The following GABRG2 variants were observed in gnomAD, a reference collection of about 807,000 sequenced individuals.
GABRG2 encodes the protein gamma-aminobutyric acid receptor subunit gamma-2.
Under a neutral mutation model 56.4 loss-of-function variants are expected in GABRG2, and 16 were observed. That is an observed-to-expected ratio of 0.28 (90% confidence interval 0.19 to 0.43). GABRG2 has a LOEUF of 0.43. Ranked by LOEUF, GABRG2 falls within the 20% of genes least tolerant of loss-of-function variation. The pLI is 1.00. For synonymous variants in GABRG2, 208 were observed against 205.5 expected, an observed-to-expected ratio of 1.01 and a Z score of -0.10; for missense variants, 327 against 582.7, an observed-to-expected ratio of 0.56 and a Z score of 4.52.
chr5:162,075,980 C>G (rs1364289988), intron 1 of GABRG2, among the ~76,000 whole-genome samples: 1 of 148,808 alleles, frequency 6.7e-6, no homozygotes, highest in East Asian at 2.0e-4. Context: ...TGGTGTGACC[C>G]TATTTCAAGA....
At chr5:162,071,889 C>G (rs181192884) in intron 1 of GABRG2, among the ~76,000 whole-genome samples, 33 of 151,048 alleles carry the variant, frequency 2.2e-4, no homozygotes, top group African/African-American at 7.8e-4. Flanking sequence ...CTTTCAAATT[C>G]AAAAGGTTAC....
intron 6 of GABRG2, among the ~76,000 whole-genome samples, chr5:162,131,033 A>C (rs1763702181): frequency 6.6e-6 from 1 of 152,022 alleles, no homozygotes; most frequent in Non-Finnish European, 1.5e-5. Context: ...TCTTAATTTC[A>C]CCAAATAGAT....
At chr5:162,088,444 TG>T (rs1234731144) in intron 1 of GABRG2, among the ~76,000 whole-genome samples, 1 of 152,212 alleles carries the variant, frequency 6.6e-6, no homozygotes, top group Non-Finnish European at 1.5e-5. Flanking sequence ...ATGAGGCAGA[TG>T]ATCACATCCA....
chr5:162,072,312 A>G (rs1187358845), intron 1 of GABRG2, among the ~76,000 whole-genome samples: 3 of 151,998 alleles, frequency 2.0e-5, no homozygotes, highest in African/African-American at 7.2e-5. Context: ...ATTCCAAGAC[A>G]GGCTTTTCAG....
intron 8 of GABRG2, chr5:162,151,437 C>T (rs1765366363): frequency 3.2e-6 from 1 of 313,762 alleles, no homozygotes; most frequent in East Asian, 6.1e-5. Flanking sequence ...ACAGGGGAAC[C>T]AGGCAATAGA....
intron 6 of GABRG2, among the ~76,000 whole-genome samples, chr5:162,113,361 C>A (rs970569400): frequency 3.9e-5 from 6 of 152,104 alleles, no homozygotes; most frequent in Non-Finnish European, 7.4e-5. Flanking sequence ...CCAATTTATC[C>A]ACTCCAAAAT....
At chr5:162,149,062 C>T (rs753623680) in intron 7 of GABRG2, 46 bp from the exon 8 acceptor site, 5 of 1,581,416 alleles carry the variant, frequency 3.2e-6, no homozygotes, top group South Asian at 1.1e-5. Context: ...AGTTACCCAA[C>T]TTGCTTATGC....
At chr5:162,102,405 G>A in intron 5 of GABRG2, 2 of 421,402 alleles carry the variant, frequency 4.7e-6, no homozygotes, top group South Asian at 3.5e-5. Flanking sequence ...CTGCCATCAG[G>A]TGGCCAGTTG....
At chr5:162,070,756 A>G (rs1488424953) in intron 1 of GABRG2, among the ~76,000 whole-genome samples, 1 of 152,018 alleles carries the variant, frequency 6.6e-6, no homozygotes, top group African/African-American at 2.4e-5. Context: ...TTGTGCTGTC[A>G]TAAAAAATAA....
intron 9 of GABRG2, chr5:162,152,252 C>A: frequency 5.3e-6 from 1 of 189,520 alleles, no homozygotes; most frequent in South Asian, 8.6e-5. Flanking sequence ...TTCCTTATTT[C>A]CAGAGTGATC....
chr5:162,072,002 A>T (rs1758712817), intron 1 of GABRG2, among the ~76,000 whole-genome samples: 1 of 151,948 alleles, frequency 6.6e-6, no homozygotes, highest in African/African-American at 2.4e-5. Flanking sequence ...ACCTAAACAA[A>T]ACACCTGAAT....
In GABRG2 at chr5:162,086,526, G is replaced by A. The variant is rs1263063382; in HGVS notation, c.108-7302G>A. Among the ~76,000 whole-genome samples the A allele has an allele frequency of 5.9e-5, 9 of 151,958 alleles. 1 individual carries two copies. Among genetic ancestry groups the A allele is most frequent in the Admixed American group, 5.9e-4 (9 of 15,208 alleles). On this transcript the variant is annotated intron_variant, in intron 1 of 9. Transcript: ENST00000639213. ...ATCAAAAATTGAAATAAAAACCCAT[G>A]TAATTGCAAAATGTGTCTGAAAATA... is the stretch of plus-strand genomic sequence containing the variant.
chr5:162,135,982 G>T (rs1164976506), intron 6 of GABRG2, among the ~76,000 whole-genome samples: 1 of 152,138 alleles, frequency 6.6e-6, no homozygotes, highest in Non-Finnish European at 1.5e-5. Flanking sequence ...GAGTCTGGAG[G>T]TATTTATATG....
At chr5:162,073,471 A>C (rs1048114946) in intron 1 of GABRG2, among the ~76,000 whole-genome samples, 1 of 151,940 alleles carries the variant, frequency 6.6e-6, no homozygotes, top group Non-Finnish European at 1.5e-5. Flanking sequence ...GAGCAAATCT[A>C]TAGGAAACTT....
chr5:162,069,034 G>GA (rs549152437), intron 1 of GABRG2, among the ~76,000 whole-genome samples: 17 of 150,784 alleles, frequency 1.1e-4, no homozygotes, highest in Non-Finnish European at 2.2e-4. Flanking sequence ...GCACTGAATA[G>GA]AAAAAAAAAG....
At chr5:162,083,906 A>G (rs569078740) in intron 1 of GABRG2, among the ~76,000 whole-genome samples, 2 of 151,922 alleles carry the variant, frequency 1.3e-5, no homozygotes, top group East Asian at 1.9e-4. Flanking sequence ...TTCATAAAAC[A>G]AAGTATTTTT....
At chr5:162,095,286 C>T (rs930566004) in intron 2 of GABRG2, among the ~76,000 whole-genome samples, 1 of 152,012 alleles carries the variant, frequency 6.6e-6, no homozygotes, top group African/African-American at 2.4e-5. Flanking sequence ...CTCTACTATG[C>T]GTGCTTGGTG....
chr5:162,131,226 T>A (rs1763732524), intron 6 of GABRG2, among the ~76,000 whole-genome samples: 1 of 152,058 alleles, frequency 6.6e-6, no homozygotes, highest in South Asian at 2.1e-4. Flanking sequence ...TAGACTATAG[T>A]AAATGTTTCC....
chr5:162,090,521 G>A (rs1295707249), intron 1 of GABRG2, among the ~76,000 whole-genome samples: 2 of 152,082 alleles, frequency 1.3e-5, no homozygotes, highest in Non-Finnish European at 2.9e-5. Flanking sequence ...CCCATGCAAT[G>A]TTGCTGCTGT....
Sources: gnomAD v4.1 joint callset for allele counts (sites outside exome capture counted in the v4.1 genomes callset) on GRCh38, gnomAD v4.1.1 for gene constraint, MANE v1.5 for transcripts, NCBI Gene and HGNC (gene_info 2026-07-23, HGNC 2026-07-21) for gene names.